TMEM63A: variants seen among roughly 807,000 people sequenced by gnomAD.
TMEM63A encodes transmembrane protein 63A.
In TMEM63A, 76 loss-of-function variants were observed where a neutral mutation model predicts 100.6. That is an observed-to-expected ratio of 0.76 (90% CI 0.63 to 0.91). The LOEUF (loss-of-function observed/expected upper bound fraction) is 0.91. Ranked by LOEUF, TMEM63A falls within the 40% of genes least tolerant of loss-of-function variation. TMEM63A has a pLI of 0.00. For missense variants in TMEM63A, 876 were observed against 1,008.8 expected (o/e 0.87, Z 1.78); for synonymous variants, 401 against 401.1 (o/e 1.00, Z 0.00).
chr1:225,859,279 C>T lies in TMEM63A; in HGVS notation c.1294G>A (p.Gly432Arg). 1 of 1,614,014 alleles carries T rather than the reference C, an allele frequency of 6.2e-7. No homozygotes were observed. Residue 432 changes from glycine to arginine, a missense_variant, in exon 15 of 25, where the codon GGG becomes AGG. Physicochemically the swap from Gly to Arg is moderately radical, Grantham distance 125 (BLOSUM62 -2). Coordinates refer to ENST00000366835, the MANE Select transcript of TMEM63A (RefSeq NM_014698.3). ...GAGGGTGTGGTCAGGAAAAATAGCC[C>T]CAGGAAGAGGGTGAAGTTGATGCCC... ...WLGINFTLFLGLFFLTTPSII... is the reference protein window; with the variant it reads ...WLGINFTLFLRLFFLTTPSII...
downstream of TMEM63A, chr1:225,844,473 G>A: frequency 6.2e-7 from 1 of 1,613,942 alleles, no homozygotes; most frequent in South Asian, 1.1e-5. Context: ...CACTGAGAGT[G>A]GGGCTTTGTG....
chr1:225,849,406 A>G (rs1253217795), intron 21 of TMEM63A, among the ~76,000 whole-genome samples: 4 of 152,204 alleles, frequency 2.6e-5, no homozygotes, highest in Non-Finnish European at 4.4e-5. Flanking sequence ...CAGGAGTGTC[A>G]GTTTTCTCTC....
downstream of TMEM63A, among the ~76,000 whole-genome samples, chr1:225,841,496 C>T (rs1668407843): frequency 6.6e-6 from 1 of 151,488 alleles, no homozygotes; most frequent in South Asian, 2.1e-4. Flanking sequence ...GTTGGCCAGG[C>T]TGGTCTCGAA....
intron 20 of TMEM63A, 44 bp downstream of exon 20, chr1:225,852,620 T>C (rs751875502): frequency 1.3e-6 from 2 of 1,593,148 alleles, no homozygotes; most frequent in African/African-American, 2.7e-5. Flanking sequence ...CAATCAGCCG[T>C]CCATGTACCC....
chr1:225,877,749 C>G (rs1297913059), intron 2 of TMEM63A, 155 bp from the exon 3 acceptor site: 3 of 639,444 alleles, frequency 4.7e-6, no homozygotes, highest in African/African-American at 1.8e-5. Context: ...GACATTGGAC[C>G]TCTGCGTGCC....
chr1:225,856,615 T>G lies in TMEM63A; in HGVS notation c.1571+37A>C, dbSNP rs12070816. 10,967 of 1,606,398 alleles carry G rather than the reference T, an allele frequency of 6.8e-3. 631 individuals are homozygous for G. In the African/African-American group the frequency reaches 0.13, roughly 19 times the overall value. On this transcript the variant is annotated intron_variant, in intron 17 of 24. Transcript: ENST00000366835. ...GGACAGTGCTCTCCTGATGTGACTCTTATTCTGAATTTAGAGCAGAAGGTG... is the reference window on the plus strand; with the variant it reads ...GGACAGTGCTCTCCTGATGTGACTCGTATTCTGAATTTAGAGCAGAAGGTG...
chr1:225,843,036 C>T (rs577118224), downstream of TMEM63A, among the ~76,000 whole-genome samples: 29 of 152,314 alleles, frequency 1.9e-4, no homozygotes, highest in African/African-American at 6.3e-4. Context: ...CCAGACAGTG[C>T]TGGGGATGGG....
At chr1:225,852,619 G>T in intron 20 of TMEM63A, 45 bp downstream of exon 20, 1 of 1,589,136 alleles carries the variant, frequency 6.3e-7, no homozygotes, top group Non-Finnish European at 8.6e-7. Context: ...GCAATCAGCC[G>T]TCCATGTACC....
In TMEM63A at chr1:225,877,571, A is replaced by G. The variant is rs764369077; in HGVS notation, c.10T>C (p.Ser4Pro). 4 of 1,613,178 alleles carry G rather than the reference A, an allele frequency of 2.5e-6. No homozygotes were observed. Among genetic ancestry groups the G allele is most frequent in the South Asian group, 1.1e-5 (1 of 91,038 alleles). ...GACTGCCACAGCTCCAGGAACGGGG[A>G]GTCCATCATCGCGCCTGTCTTCCCT... MMDSPFLELWQSKA... is the reference protein window; with the variant it reads MMDPPFLELWQSKA... Residue 4 changes from serine to proline, a missense_variant, in exon 3 of 25, where the codon TCC becomes CCC. Transcript: ENST00000366835.
At chr1:225,880,198 T>G (rs1671021163) in intron 1 of TMEM63A, among the ~76,000 whole-genome samples, 2 of 152,278 alleles carry the variant, frequency 1.3e-5, no homozygotes, top group East Asian at 3.9e-4. Flanking sequence ...GTCTGCCCTC[T>G]CCGATGAGCA....
In TMEM63A at chr1:225,845,925, C is replaced by CA. The variant is rs1668948180; in HGVS notation, c.*1013dup. 1 of 173,388 alleles carries CA rather than the reference C, an allele frequency of 5.8e-6. No individual in the cohort carries two copies. The highest frequency in any genetic ancestry group is 2.4e-5 in the African/African-American group (1 of 41,850). The allele number at this position is 173,388 out of a possible 1,614,324, so 10.7% of individuals were successfully genotyped here. The stretch of plus-strand genomic sequence containing the variant: ...TGCTAGGAGCCTGGACCTGCTCTTC[C>CA]ACACCCCCATCCCGCCCCTACTGCA... On this transcript the variant is annotated 3_prime_UTR_variant, in exon 25 of 25. Coordinates refer to ENST00000366835, the MANE Select transcript of TMEM63A (RefSeq NM_014698.3).
chr1:225,844,548 C>T, downstream of TMEM63A: 1 of 1,614,192 alleles, frequency 6.2e-7, no homozygotes, highest in Non-Finnish European at 8.5e-7. Context: ...TACTGGACAA[C>T]AGGCACCATC....
In TMEM63A at chr1:225,866,515, C is replaced by T. The variant is rs1264107030; in HGVS notation, c.675+59G>A. ...TGTGGCAGAGCCTGGGAGGCCCTTC[C>T]ACTCCGACTCCCACCTGAGTCCCTC... is the stretch of plus-strand genomic sequence containing the variant. On this transcript the variant is annotated intron_variant, in intron 9 of 24. Transcript: ENST00000366835. The T allele has an allele frequency of 7.3e-6, 11 of 1,506,376 alleles. No homozygotes were observed. The African/African-American group carries it at 1.4e-4, about 19-fold the overall frequency. 93.3% of individuals were successfully genotyped at this position (1,506,376 alleles called of 1,614,324 possible).
intron 23 of TMEM63A, 111 bp downstream of exon 23, chr1:225,848,381 T>A (rs775245261): frequency 8.6e-7 from 1 of 1,162,986 alleles, no homozygotes; most frequent in Non-Finnish European, 1.2e-6. Flanking sequence ...GCCTGCCATG[T>A]GATCTTAGCA....
rs1327534063 is a variant in TMEM63A at position 225,871,097 on chromosome 1, A to T, written c.350T>A (p.Leu117Gln). ...FENELGCCPW[L>Q]TAIFRLHDDQ... ...TCACTGCAGACGGAAGATGGCAGTC[A>T]GCCAGGGACAGCATCCCTGGAAACG... Residue 117 changes from leucine to glutamine, a missense_variant, in exon 6 of 25, where the codon CTG (leucine) becomes CAG (glutamine). Leu to Gln is a moderately radical substitution (Grantham distance 113, BLOSUM62 -2). This residue lies in a region of TMEM63A where 487 missense variants were observed against 581.9 expected (regional missense o/e 0.84). Transcript: ENST00000366835. 3 of 1,613,968 alleles carry T rather than the reference A, an allele frequency of 1.9e-6. No individual in the cohort carries two copies. Among genetic ancestry groups the T allele is most frequent in the Non-Finnish European group, 2.5e-6 (3 of 1,179,942 alleles).
Position 225,862,292 on chromosome 1 carries a change from C to T in TMEM63A, c.1011G>A (p.Glu337=), listed in dbSNP as rs751889096. The part of the protein sequence containing the change: ...MKDRLLERIT[E]EERHVQDQPL... ...GCTGGTCCTGGACGTGGCGTTCTTCCTCTGTGATCCTCTCCAGCAGCCTGT... is the reference window on the plus strand; with the variant it reads ...GCTGGTCCTGGACGTGGCGTTCTTCTTCTGTGATCCTCTCCAGCAGCCTGT... The change falls in exon 13 of 25, where the codon GAG becomes GAA. Residue 337 remains glutamate, a synonymous_variant. Transcript: ENST00000366835. The surrounding 1 kb of genome is among the most constrained non-coding windows in gnomAD (Gnocchi z 5.1). The T allele has an allele frequency of 6.2e-7, 1 of 1,614,200 alleles. No homozygotes were observed. The highest frequency in any genetic ancestry group is 1.7e-5 in the Admixed American group (1 of 60,026).
intron 1 of TMEM63A, among the ~76,000 whole-genome samples, chr1:225,879,909 G>A (rs552102586): frequency 2.6e-5 from 4 of 152,330 alleles, no homozygotes; most frequent in African/African-American, 7.2e-5. Context: ...CCCATAAAAT[G>A]CTCACAGAGA....
rs114874822 is a variant in TMEM63A at position 225,859,203 on chromosome 1, G to A, written c.1370C>T (p.Ala457Val). The A allele has an allele frequency of 1.2e-5, 19 of 1,613,918 alleles. No homozygotes were observed. Among genetic ancestry groups the A allele is most frequent in the African/African-American group, 1.1e-4 (8 of 74,852 alleles). Reference sequence around the variant, plus strand: ...TGCAGAACAGTTACTCACATTCAGCGCATGGATGGGTTTGGTGACATTAAA... The same window carrying A: ...TGCAGAACAGTTACTCACATTCAGCACATGGATGGGTTTGGTGACATTAAA... The part of the protein sequence containing the change: ...DKFNVTKPIH[A>V]LNNPIISQFF... The change falls in exon 15 of 25, where the codon GCG (alanine) becomes GTG (valine). Residue 457 changes from alanine to valine, a missense_variant. Ala to Val is a moderately conservative substitution (Grantham distance 64). Coordinates refer to ENST00000366835, the MANE Select transcript of TMEM63A (RefSeq NM_014698.3).
intron 2 of TMEM63A, among the ~76,000 whole-genome samples, chr1:225,878,885 T>TACACACACACACAC (rs55792328): frequency 7.2e-5 from 10 of 139,590 alleles, no homozygotes; most frequent in African/African-American, 2.2e-4. Flanking sequence ...CCTACCTACC[T>TACACACACACACAC]ACACACACAC....
Sources: gnomAD v4.1 joint callset for allele counts (sites outside exome capture counted in the v4.1 genomes callset) on GRCh38, gnomAD v4.1.1 for gene constraint, gnomAD v4.1.1 regional missense constraint, Gnocchi (gnomAD v3.1) non-coding constraint, MANE v1.5 for transcripts, NCBI Gene and HGNC (gene_info 2026-07-23, HGNC 2026-07-21) for gene names.